DOCK4: variants seen among roughly 807,000 people sequenced by gnomAD.
DOCK4 encodes the protein dedicator of cytokinesis protein 4.
Under a neutral mutation model 268.1 loss-of-function variants are expected in DOCK4, and 97 were observed. The observed-to-expected ratio is 0.36, with a 90% confidence interval of 0.31 to 0.43. The LOEUF is 0.43. Ranked by LOEUF, DOCK4 falls within the 20% of genes least tolerant of loss-of-function variation. DOCK4 has a pLI of 1.00. For missense variants in DOCK4, 2,145 were observed against 2,455.7 expected, an observed-to-expected ratio of 0.87 and a Z score of 2.67; for synonymous variants, 954 against 887.2, an observed-to-expected ratio of 1.08 and a Z score of -1.34.
chr7:112,069,012 T>C (rs1807337764), intron 1 of DOCK4, among the ~76,000 whole-genome samples: 2 of 152,224 alleles, frequency 1.3e-5, no homozygotes, highest in Admixed American at 1.3e-4. Context: ...TTCACTCCTG[T>C]ATAAAATGTG....
intron 1 of DOCK4, among the ~76,000 whole-genome samples, chr7:112,107,622 A>C (rs1258965729): frequency 6.6e-6 from 1 of 152,230 alleles, no homozygotes; most frequent in African/African-American, 2.4e-5. Context: ...TAAAGGAACT[A>C]ATAATGCATA....
intron 4 of DOCK4, among the ~76,000 whole-genome samples, chr7:111,997,224 C>T (rs1800039879): frequency 1.3e-5 from 2 of 152,208 alleles, no homozygotes; most frequent in Admixed American, 1.3e-4. Context: ...AAAGGACCAA[C>T]AACTTGGCTT....
intron 32 of DOCK4, among the ~76,000 whole-genome samples, chr7:111,788,007 T>C (rs1459773363): frequency 1.3e-5 from 2 of 152,194 alleles, no homozygotes; most frequent in Non-Finnish European, 2.9e-5. Flanking sequence ...AACGCATGAA[T>C]ACTTGGTACA....
chr7:111,908,512 T>C (rs1791806677), intron 13 of DOCK4, among the ~76,000 whole-genome samples: 1 of 151,180 alleles, frequency 6.6e-6, no homozygotes, highest in South Asian at 2.1e-4. Flanking sequence ...TTTGTCAAAG[T>C]GACTTTTATT....
chr7:112,111,539 TTTTTA>T (rs1475125854), intron 1 of DOCK4, among the ~76,000 whole-genome samples: 2 of 152,204 alleles, frequency 1.3e-5, no homozygotes, highest in African/African-American at 2.4e-5. Flanking sequence ...CTTGCCATTT[TTTTTA>T]TTTTAATTCT....
At chr7:111,812,377 T>C (rs1251194287) in intron 27 of DOCK4, among the ~76,000 whole-genome samples, 4 of 152,198 alleles carry the variant, frequency 2.6e-5, no homozygotes, top group African/African-American at 9.6e-5. Context: ...ACTCCTGGGC[T>C]CAAGTGATCC....
intron 23 of DOCK4, among the ~76,000 whole-genome samples, chr7:111,858,211 C>A (rs1805172723): frequency 6.6e-6 from 1 of 152,144 alleles, no homozygotes; most frequent in African/African-American, 2.4e-5. Flanking sequence ...TCACATATGT[C>A]CTTCTTTCTG....
rs564671787 is a variant in DOCK4, at chr7:111,905,679, A to ATG, written c.1193-3880_1193-3879dup. 4.6e-3 allele frequency among the ~76,000 whole-genome samples: 532 copies of ATG among 115,342 alleles called. 4 individuals are homozygous for ATG. Among genetic ancestry groups the ATG allele is most frequent in the African/African-American group, 0.021 (519 of 24,320 alleles). 75.7% of individuals were successfully genotyped at this position (115,342 alleles called of 152,430 possible). ...CTTTATCTATTTTTTATATATATGCATGTATGTGTGTGTGTGTGTGTGTGT... is the reference window on the plus strand; with the variant it reads ...CTTTATCTATTTTTTATATATATGCATGTGTATGTGTGTGTGTGTGTGTGTGT... On this transcript the variant is annotated intron_variant, in intron 13 of 52. Transcript: ENST00000428084.
chr7:111,855,761 G>A (rs553882598), intron 23 of DOCK4, among the ~76,000 whole-genome samples: 11 of 152,214 alleles, frequency 7.2e-5, no homozygotes, highest in African/African-American at 1.9e-4. Flanking sequence ...TTATTTGTTC[G>A]ACATCTACTT....
At chr7:111,754,821 T>TTCTACAGTGGCACCCACTGA (rs1246852364) in intron 42 of DOCK4, among the ~76,000 whole-genome samples, 3 of 152,148 alleles carry the variant, frequency 2.0e-5, no homozygotes, top group African/African-American at 4.8e-5. Context: ...GGTTACCAGG[T>TTCTACAGTGGCACCCACTGA]TCTACAGTGG....
At chr7:111,990,313 C>G (rs1799422040) in intron 5 of DOCK4, among the ~76,000 whole-genome samples, 1 of 152,166 alleles carries the variant, frequency 6.6e-6, no homozygotes, top group South Asian at 2.1e-4. Flanking sequence ...TAAATCTTAT[C>G]TAAGTCTTTA....
At chr7:111,900,563 A>G (rs755206913) in intron 14 of DOCK4, 27 bp from the exon 15 acceptor site, 3 of 1,595,182 alleles carry the variant, frequency 1.9e-6, no homozygotes, top group Non-Finnish European at 2.6e-6. Context: ...CACACAGGTT[A>G]AAGAGAGCTT....
chr7:111,849,491 G>A (rs375668865), intron 23 of DOCK4, among the ~76,000 whole-genome samples: 47 of 152,226 alleles, frequency 3.1e-4, no homozygotes, highest in East Asian at 1.9e-3. Flanking sequence ...TTGAACTCCT[G>A]ACCTCAGGTG....
intron 49 of DOCK4, among the ~76,000 whole-genome samples, chr7:111,738,185 G>C (rs1047669035): frequency 1.3e-5 from 2 of 152,202 alleles, no homozygotes; most frequent in Admixed American, 6.5e-5. Context: ...CCCAAGGGCT[G>C]AGCCCAAGCC....
At chr7:112,087,372 TAG>T (rs746786699) in intron 1 of DOCK4, among the ~76,000 whole-genome samples, 10 of 152,110 alleles carry the variant, frequency 6.6e-5, no homozygotes, top group African/African-American at 1.2e-4. Context: ...AAATTATCTT[TAG>T]ATTTAGATTT....
intron 1 of DOCK4, among the ~76,000 whole-genome samples, chr7:112,046,792 C>A (rs60041972): frequency 0.093 from 14,102 of 152,194 alleles, 2,197 homozygotes; most frequent in African/African-American, 0.32. Flanking sequence ...CCAGCTTACT[C>A]CCTTGATAGA....
At chr7:111,973,163 AT>A (rs982795283) in intron 8 of DOCK4, among the ~76,000 whole-genome samples, 8 of 132,758 alleles carry the variant, frequency 6.0e-5, no homozygotes, top group Non-Finnish European at 1.1e-4. Flanking sequence ...TGGCATATAT[AT>A]ATATATATAT....
At chr7:111,818,244 T>C (rs1801706323) in intron 27 of DOCK4, among the ~76,000 whole-genome samples, 1 of 152,202 alleles carries the variant, frequency 6.6e-6, no homozygotes, top group Non-Finnish European at 1.5e-5. Context: ...ATCCTAACCA[T>C]ATGCTGAGGA....
intron 1 of DOCK4, among the ~76,000 whole-genome samples, chr7:112,133,488 T>C (rs1040028865): frequency 2.6e-5 from 4 of 152,144 alleles, no homozygotes; most frequent in Non-Finnish European, 4.4e-5. Flanking sequence ...TCCCAGCACT[T>C]TGGCAGGCCG....
Sources: allele counts gnomAD v4.1 joint callset (sites outside exome capture counted in the v4.1 genomes callset), GRCh38; gene constraint gnomAD v4.1.1; transcripts MANE v1.5; gene names NCBI Gene and HGNC (gene_info 2026-07-23, HGNC 2026-07-21).